Variants in SAMD3 observed in about 807,000 individuals in gnomAD.
SAMD3 encodes sterile alpha motif domain containing 3, also known as sterile alpha motif domain-containing protein 3.
Under a neutral mutation model 58.5 loss-of-function variants are expected in SAMD3, and 63 were observed. That is an observed-to-expected ratio of 1.08 (90% CI 0.88 to 1.33). SAMD3 has a LOEUF of 1.33. Among genes scored for constraint, SAMD3 ranks in the 40% most tolerant of loss-of-function variants. The pLI, the probability that SAMD3 is intolerant of heterozygous loss-of-function variation, is 0.00. For missense variants in SAMD3, 604 were observed against 608.4 expected, an observed-to-expected ratio of 0.99 and a Z score of 0.08; for synonymous variants, 220 against 210.3, an observed-to-expected ratio of 1.05 and a Z score of -0.40.
At chr6:130,145,268 G>A (rs4897369) in intron 11 of SAMD3, 72 bp downstream of exon 11, 724,920 of 732,250 alleles carry the variant, frequency 0.99, 359,171 homozygotes, top group East Asian at 1. Context: ...AAAAATATAA[G>A]TAAATAAATA....
intron 5 of SAMD3, among the ~76,000 whole-genome samples, chr6:130,193,247 G>A (rs941459050): frequency 6.7e-5 from 10 of 149,958 alleles, no homozygotes; most frequent in African/African-American, 2.2e-4. Context: ...CTTTCTGGGG[G>A]GCAAGAAACC....
At chr6:130,331,518 C>T (rs371717646) in intron 1 of SAMD3, among the ~76,000 whole-genome samples, 2 of 152,064 alleles carry the variant, frequency 1.3e-5, no homozygotes, top group East Asian at 1.9e-4. Context: ...GTCAGGAGTT[C>T]GAGACCAGCC....
intron 2 of SAMD3, among the ~76,000 whole-genome samples, chr6:130,263,102 T>C (rs980295122): frequency 6.6e-6 from 1 of 152,178 alleles, no homozygotes; most frequent in African/African-American, 2.4e-5. Context: ...ACTTATCTGG[T>C]ATAAAAATCA....
intron 1 of SAMD3, among the ~76,000 whole-genome samples, chr6:130,316,288 T>TAAA (rs777240578): frequency 4.4e-4 from 35 of 80,048 alleles, no homozygotes; most frequent in East Asian, 6.8e-4. Context: ...AAGGCTGTCT[T>TAAA]AAAAAAAAAA....
chr6:130,208,098 A>G (rs1466672574), intron 5 of SAMD3, among the ~76,000 whole-genome samples: 3 of 152,232 alleles, frequency 2.0e-5, no homozygotes, highest in Non-Finnish European at 4.4e-5. Flanking sequence ...GGTTGTACTC[A>G]TTTACAAAAA....
intron 2 of SAMD3, among the ~76,000 whole-genome samples, chr6:130,240,855 G>A (rs1773330874): frequency 6.6e-6 from 1 of 152,092 alleles, no homozygotes; most frequent in South Asian, 2.1e-4. Flanking sequence ...AATTGTGAGG[G>A]AAGAAATTTT....
At chr6:130,240,737 T>C (rs894636292) in intron 2 of SAMD3, among the ~76,000 whole-genome samples, 1 of 152,182 alleles carries the variant, frequency 6.6e-6, no homozygotes, top group Non-Finnish European at 1.5e-5. Context: ...CCTTTTGTAA[T>C]GTGAGGACAC....
intron 2 of SAMD3, among the ~76,000 whole-genome samples, chr6:130,311,680 AT>A (rs1776171661): frequency 6.6e-6 from 1 of 152,184 alleles, no homozygotes; most frequent in Non-Finnish European, 1.5e-5. Context: ...CTCTGTCCAC[AT>A]TTACCAGGGC....
intron 2 of SAMD3, among the ~76,000 whole-genome samples, chr6:130,294,525 T>G (rs1369207990): frequency 6.6e-6 from 1 of 152,212 alleles, no homozygotes. Flanking sequence ...TTCTTTTTTA[T>G]TCTTATATTT....
At chr6:130,305,884 AC>A (rs1422066748) in intron 2 of SAMD3, among the ~76,000 whole-genome samples, 3 of 152,254 alleles carry the variant, frequency 2.0e-5, no homozygotes, top group Non-Finnish European at 2.9e-5. Flanking sequence ...TAACTTACAA[AC>A]AAAATAAATT....
Position 130,349,920 on chromosome 6 carries a change from T to C in SAMD3, c.-304+15200A>G, listed in dbSNP as rs557209460. 9.1e-4 allele frequency among the ~76,000 whole-genome samples: 139 copies of C among 152,176 alleles called. 3 individuals are homozygous for C. The East Asian group carries it at 0.025, about 28-fold the overall frequency. On this transcript the variant is annotated intron_variant, in intron 1 of 13. Coordinates refer to the SAMD3 transcript ENST00000368134. ...TGGGATGCAAGGCTGGTTCAACATA[T>C]GCAAATCAATAAATGTAATCCAGCA...
chr6:130,314,623 T>A (rs140417432), intron 1 of SAMD3, among the ~76,000 whole-genome samples: 1 of 152,308 alleles, frequency 6.6e-6, no homozygotes, highest in East Asian at 1.9e-4. Context: ...GATTTAGCCA[T>A]AAGAAGTAAC....
chr6:130,154,367 C>T (rs183637862), intron 9 of SAMD3, among the ~76,000 whole-genome samples: 1 of 151,700 alleles, frequency 6.6e-6, no homozygotes, highest in African/African-American at 2.4e-5. Context: ...TGAGATTCAC[C>T]CCCACTGTCT....
chr6:130,329,996 T>C (rs1776878550), intron 1 of SAMD3, among the ~76,000 whole-genome samples: 2 of 152,040 alleles, frequency 1.3e-5, no homozygotes, highest in South Asian at 2.1e-4. Flanking sequence ...GACAGGGTGA[T>C]AGGAGCAGCA....
At chr6:130,305,126 G>A (rs1176564026) in intron 2 of SAMD3, among the ~76,000 whole-genome samples, 1 of 151,580 alleles carries the variant, frequency 6.6e-6, no homozygotes, top group Non-Finnish European at 1.5e-5. Flanking sequence ...AGTAGAGATG[G>A]GGTTTCACCA....
At chr6:130,365,640 G>T, upstream of SAMD3, 2 of 985,400 alleles carry the variant, frequency 2.0e-6, no homozygotes, top group Non-Finnish European at 2.4e-6. Flanking sequence ...GTGGTCCCGC[G>T]GTAGCTAGAG....
At chr6:130,310,746 A>G (rs1213309222) in intron 2 of SAMD3, among the ~76,000 whole-genome samples, 1 of 152,222 alleles carries the variant, frequency 6.6e-6, no homozygotes, top group Non-Finnish European at 1.5e-5. Context: ...CAGAGGCTTA[A>G]GGATCTGAAT....
At chr6:130,265,979 G>GA (rs1344977658) in intron 2 of SAMD3, among the ~76,000 whole-genome samples, 1 of 152,120 alleles carries the variant, frequency 6.6e-6, no homozygotes, top group Non-Finnish European at 1.5e-5. Flanking sequence ...TTAAAAAAAT[G>GA]AAAAAATCCT....
intron 5 of SAMD3, among the ~76,000 whole-genome samples, chr6:130,196,011 C>G (rs182743761): frequency 1.3e-5 from 2 of 152,092 alleles, no homozygotes; most frequent in Non-Finnish European, 2.9e-5. Context: ...AGAGACTGCC[C>G]ACAACCGAGC....
Sources: allele counts gnomAD v4.1 joint callset (sites outside exome capture counted in the v4.1 genomes callset), GRCh38; gene constraint gnomAD v4.1.1; transcripts MANE v1.5; gene names NCBI Gene and HGNC (gene_info 2026-07-23, HGNC 2026-07-21).